Variants in RBFOX1 observed in about 807,000 individuals in gnomAD.
The protein encoded by RBFOX1 is RNA binding fox-1 homolog 1, also known as RNA binding protein fox-1 homolog 1.
A neutral mutation model predicts 57.7 loss-of-function variants in RBFOX1; 8 were observed. The observed-to-expected ratio is 0.14, with a 90% CI of 0.08 to 0.25. The LOEUF is 0.25. Ranked by LOEUF, RBFOX1 falls within the 10% of genes least tolerant of loss-of-function variation. The pLI is 1.00. For synonymous variants in RBFOX1, 326 were observed against 222.4 expected, an observed-to-expected ratio of 1.47 and a Z score of -4.15; for missense variants, 611 against 548.5, an observed-to-expected ratio of 1.11 and a Z score of -1.14.
intron 1 of RBFOX1, among the ~76,000 whole-genome samples, chr16:5,309,268 C>G (rs754842413): frequency 3.9e-5 from 6 of 152,144 alleles, no homozygotes; most frequent in Non-Finnish European, 7.3e-5. Context: ...TTCTCAGTCT[C>G]TTTTTATTTC....
chr16:6,098,822 A>T (rs1023213586), intron 1 of RBFOX1, among the ~76,000 whole-genome samples: 1 of 152,188 alleles, frequency 6.6e-6, no homozygotes, highest in African/African-American at 2.4e-5. Flanking sequence ...TCCTAAGTGG[A>T]GCCAGGTGCA....
At chr16:7,611,848 T>G (rs1439205703) in intron 10 of RBFOX1, among the ~76,000 whole-genome samples, 1 of 152,200 alleles carries the variant, frequency 6.6e-6, no homozygotes, top group Non-Finnish European at 1.5e-5. Flanking sequence ...TATAAAAATC[T>G]TTCTAAATGC....
chr16:5,495,429 C>T (rs1178646181), intron 2 of RBFOX1, among the ~76,000 whole-genome samples: 2 of 152,196 alleles, frequency 1.3e-5, no homozygotes. Context: ...GAGGAATATC[C>T]AGTCCCATCA....
intron 3 of RBFOX1, among the ~76,000 whole-genome samples, chr16:5,747,214 T>G (rs1468910177): frequency 6.6e-6 from 1 of 152,242 alleles, no homozygotes; most frequent in African/African-American, 2.4e-5. Flanking sequence ...TGAACCAGCC[T>G]TGCATCCCAG....
intron 4 of RBFOX1, among the ~76,000 whole-genome samples, chr16:6,009,613 G>A (rs78844000): frequency 0.027 from 4,049 of 152,124 alleles, 81 homozygotes; most frequent in Non-Finnish European, 0.044. Flanking sequence ...GAGCTTGAGA[G>A]CACAGCAAGC....
At chr16:5,384,131 T>C (rs1232333129) in intron 1 of RBFOX1, among the ~76,000 whole-genome samples, 1 of 152,128 alleles carries the variant, frequency 6.6e-6, no homozygotes, top group South Asian at 2.1e-4. Flanking sequence ...CTGGCTTTGA[T>C]TGGGTCATGT....
At chr16:7,116,643 A>G (rs2065961675) in intron 4 of RBFOX1, among the ~76,000 whole-genome samples, 1 of 152,164 alleles carries the variant, frequency 6.6e-6, no homozygotes, top group Non-Finnish European at 1.5e-5. Context: ...GAGTTAGAAA[A>G]TGCAATTCAT....
chr16:6,771,098 A>G (rs1176102583), intron 3 of RBFOX1, among the ~76,000 whole-genome samples: 2 of 152,084 alleles, frequency 1.3e-5, no homozygotes, highest in African/African-American at 2.4e-5. Flanking sequence ...TCCTTATAAG[A>G]AGAAAAAATC....
At chr16:6,874,267 C>T (rs559648174) in intron 3 of RBFOX1, among the ~76,000 whole-genome samples, 4 of 151,892 alleles carry the variant, frequency 2.6e-5, no homozygotes, top group South Asian at 2.1e-4. Flanking sequence ...CCCAGCACTT[C>T]GGGAGGCTGA....
At chr16:6,734,159 C>T (rs139537769) in intron 3 of RBFOX1, among the ~76,000 whole-genome samples, 14 of 152,258 alleles carry the variant, frequency 9.2e-5, no homozygotes, top group South Asian at 2.1e-4. Flanking sequence ...GTTTATTTGA[C>T]GTTTTTTGTG....
At chr16:5,628,162 T>G (rs938386695) in intron 3 of RBFOX1, among the ~76,000 whole-genome samples, 1 of 152,184 alleles carries the variant, frequency 6.6e-6, no homozygotes, top group Non-Finnish European at 1.5e-5. Context: ...TGTCTGGCAT[T>G]GGGTAGATAC....
intron 3 of RBFOX1, among the ~76,000 whole-genome samples, chr16:5,797,897 C>T (rs554828601): frequency 2.6e-5 from 4 of 152,204 alleles, no homozygotes; most frequent in East Asian, 1.9e-4. Context: ...GAAGGATGTC[C>T]GCACTCCATC....
chr16:6,934,545 TA>T (rs528512642), intron 3 of RBFOX1, among the ~76,000 whole-genome samples: 202 of 152,206 alleles, frequency 1.3e-3, no homozygotes, highest in African/African-American at 4.4e-3. Flanking sequence ...TATTTGGACA[TA>T]AAAAGAAGGA....
intron 3 of RBFOX1, among the ~76,000 whole-genome samples, chr16:6,927,436 A>AAAAAAAAAAAAAAAAAAAAAAAAAAAAAC (rs139061812): frequency 6.6e-6 from 1 of 150,892 alleles, no homozygotes; most frequent in African/African-American, 2.5e-5. Context: ...AAAAAAAAAA[A>AAAAAAAAAAAAAAAAAAAAAAAAAAAAAC]AAATCCGAAC....
intron 1 of RBFOX1, among the ~76,000 whole-genome samples, chr16:5,264,139 T>G (rs188602019): frequency 1.3e-3 from 196 of 151,886 alleles, no homozygotes; most frequent in Middle Eastern, 6.8e-3. Flanking sequence ...AAGAGAAGTT[T>G]AGAGGGATGA....
At chr16:5,842,347 A>G (rs7186318) in intron 3 of RBFOX1, among the ~76,000 whole-genome samples, 60,683 of 151,976 alleles carry the variant, frequency 0.4, 13,611 homozygotes, top group African/African-American at 0.6. Flanking sequence ...AGGAGGGTTT[A>G]GGGAATTTTG....
chr16:6,304,771 G>A (rs530578478), intron 1 of RBFOX1, among the ~76,000 whole-genome samples: 4 of 150,752 alleles, frequency 2.7e-5, no homozygotes, highest in South Asian at 4.2e-4. Flanking sequence ...TGTGGTGCCA[G>A]CTACTCAGGA....
chr16:7,078,339 C>T (rs1368640221), intron 4 of RBFOX1, among the ~76,000 whole-genome samples: 1 of 152,130 alleles, frequency 6.6e-6, no homozygotes, highest in Non-Finnish European at 1.5e-5. Context: ...TGTTTATAAC[C>T]AACCCCATAT....
chr16:5,457,920 C>A (rs1423811429), intron 1 of RBFOX1, among the ~76,000 whole-genome samples: 1 of 152,138 alleles, frequency 6.6e-6, no homozygotes, highest in South Asian at 2.1e-4. Flanking sequence ...TAAACGAAAG[C>A]CATGACTGCC....
Sources: allele counts gnomAD v4.1 joint callset (sites outside exome capture counted in the v4.1 genomes callset), GRCh38; gene constraint gnomAD v4.1.1; transcripts MANE v1.5; gene names NCBI Gene and HGNC (gene_info 2026-07-23, HGNC 2026-07-21).